The following PPIE variants were observed in gnomAD, a reference collection of about 807,000 sequenced individuals.
PPIE encodes peptidylprolyl isomerase E, also known as peptidyl-prolyl cis-trans isomerase E.
A neutral mutation model predicts 38.4 loss-of-function variants in PPIE; 20 were observed. The ratio of observed to expected loss-of-function variants is 0.52; its 90% confidence interval spans 0.37 to 0.76. The LOEUF is 0.76. PPIE is among the 30% of genes least tolerant of loss of function. The probability of loss-of-function intolerance (pLI) is 0.00; values close to 1 mark genes in which losing one functional copy is unlikely to be tolerated. For missense variants in PPIE, 322 were observed against 385.8 expected (o/e 0.83, Z 1.39); for synonymous variants, 142 against 135.7 (o/e 1.05, Z -0.32).
chr1:39,760,166 GT>G (rs1460392689), downstream of PPIE: 1 of 608,138 alleles, frequency 1.6e-6, no homozygotes, highest in East Asian at 3.1e-5. Context: ...CGGGAGAGGC[GT>G]TTGCATTTGG....
intron 3 of PPIE, chr1:39,741,652 G>A (rs1647060584): frequency 1.6e-6 from 1 of 624,762 alleles, no homozygotes; most frequent in South Asian, 2.0e-5. Context: ...ATGCACCCCT[G>A]TTCATTGAGC....
intron 7 of PPIE, chr1:39,747,354 T>C (rs1412890701): frequency 1.3e-5 from 2 of 152,204 alleles, no homozygotes; most frequent in Admixed American, 1.3e-4. Context: ...TAACTCTGTA[T>C]TTAACTTTTT....
intron 8 of PPIE, among the ~76,000 whole-genome samples, chr1:39,752,468 T>C (rs955960106): frequency 1.3e-5 from 2 of 152,170 alleles, no homozygotes; most frequent in African/African-American, 4.8e-5. Flanking sequence ...CATACATACA[T>C]GTACACATAC....
In PPIE at chr1:39,741,424, T is replaced by C; in HGVS notation, c.174+15T>C. ...AGTTGGCAGAGGTGAGAGTCTGTGT[T>C]ACTAGTGTCTAGTCCTTGGTTTGTG... is the stretch of plus-strand genomic sequence containing the variant. On this transcript the variant is annotated intron_variant, in intron 3 of 9. Coordinates refer to ENST00000324379, the MANE Select transcript of PPIE (RefSeq NM_006112.4). 6.2e-7 allele frequency: 1 copy of C among 1,612,892 alleles called. No homozygotes were observed.
At chr1:39,742,169 G>T in intron 4 of PPIE, 1 of 476,310 alleles carries the variant, frequency 2.1e-6, no homozygotes, top group Non-Finnish European at 3.8e-6. Flanking sequence ...GCTCTCCCAT[G>T]TTTAGGATAA....
chr1:39,756,365 C>G lies in PPIE; in HGVS notation c.*3010C>G, dbSNP rs773747841. 3.9e-4 allele frequency: 386 copies of G among 985,330 alleles called. No individual in the cohort carries two copies. The highest frequency in any genetic ancestry group is 4.6e-4 in the Non-Finnish European group (379 of 829,940). 61.0% of individuals were successfully genotyped at this position (985,330 alleles called of 1,614,324 possible). On this transcript the variant is annotated 3_prime_UTR_variant, in exon 10 of 10. Transcript: ENST00000324379. ...CTTCCTTTTGCTGATTCATTTCCCC[C>G]CTAACTCATTCAGAGTTGAGCCCCA... is the stretch of plus-strand genomic sequence containing the variant.
At chr1:39,753,205 G>C (rs1489495904) in intron 9 of PPIE, 82 bp from the exon 10 acceptor site, 2 of 1,594,396 alleles carry the variant, frequency 1.3e-6, no homozygotes, top group South Asian at 2.2e-5. Context: ...GTGGAAGTGG[G>C]CAAATGGGCA....
At chr1:39,762,423 A>C in intron 9 of PPIE, 1 of 1,437,888 alleles carries the variant, frequency 7.0e-7, no homozygotes, top group Non-Finnish European at 9.2e-7. Flanking sequence ...AAGTTCTAGA[A>C]GGAAGCCTCG....
rs1557457042 is a variant in PPIE at position 39,752,967 on chromosome 1, CAT to C, written c.753_754del (p.Cys252Ter). On this transcript the variant is annotated frameshift_variant, in exon 9 of 10. Coordinates refer to ENST00000324379, the MANE Select transcript of PPIE (RefSeq NM_006112.4). LOFTEE classifies it high-confidence loss of function. Reference sequence around the variant, plus strand: ...ACCAATGGCTCTCAGTTCTTCCTGACATGTGACAAGACAGACTGGCTGGATGG... The same window carrying C: ...ACCAATGGCTCTCAGTTCTTCCTGACGTGACAAGACAGACTGGCTGGATGG... 2 of 1,614,198 alleles carry C rather than the reference CAT, an allele frequency of 1.2e-6. No individual in the cohort carries two copies. The highest frequency in any genetic ancestry group is 1.7e-6 in the Non-Finnish European group (2 of 1,180,036).
downstream of PPIE, chr1:39,760,153 C>T (rs1648737215): frequency 1.8e-6 from 1 of 558,110 alleles, no homozygotes. Context: ...CAGGACATGC[C>T]TCCGGGAGAG....
chr1:39,750,827 C>A (rs971167944), intron 8 of PPIE, among the ~76,000 whole-genome samples: 1 of 152,196 alleles, frequency 6.6e-6, no homozygotes, highest in Non-Finnish European at 1.5e-5. Flanking sequence ...CTCCGTTTTT[C>A]TAACTGGTGG....
chr1:39,754,239 C>G lies in PPIE; in HGVS notation c.*884C>G. 4.2e-6 allele frequency: 1 copy of G among 237,478 alleles called. No individual in the cohort carries two copies. Among genetic ancestry groups the G allele is most frequent in the Non-Finnish European group, 6.8e-6 (1 of 146,000 alleles). 14.7% of individuals were successfully genotyped at this position (237,478 alleles called of 1,614,324 possible). On this transcript the variant is annotated 3_prime_UTR_variant, in exon 10 of 10. Transcript: ENST00000324379. ...AGAGGTGCGTAAGGGGCTATAGACACAATACAGGCTATGGTCCCTGTATTA... is the reference window on the plus strand; with the variant it reads ...AGAGGTGCGTAAGGGGCTATAGACAGAATACAGGCTATGGTCCCTGTATTA...
In PPIE at chr1:39,754,867, G is replaced by A. The variant is rs959244776; in HGVS notation, c.*1512G>A. On this transcript the variant is annotated 3_prime_UTR_variant, in exon 10 of 10. Transcript: ENST00000324379. ...GAGGGAGACCCTGTCTTGAAAAAAA[G>A]AAACCATCATCACAGCAACATCTAG... 8 of 328,616 alleles carry A rather than the reference G, an allele frequency of 2.4e-5. No homozygotes were observed. Among genetic ancestry groups the A allele is most frequent in the Admixed American group, 1.9e-4 (3 of 15,444 alleles). 20.4% of individuals were successfully genotyped at this position (328,616 alleles called of 1,614,324 possible).
In PPIE at chr1:39,753,350, G is replaced by T. The variant is rs549682152; in HGVS notation, c.901G>T (p.Val301Leu). The change falls in exon 10 of 10, where the codon GTG becomes TTG. Residue 301 changes from valine to leucine, a missense_variant. By Grantham distance (32) the Val-to-Leu change is conservative (BLOSUM62 1). Coordinates refer to ENST00000324379, the MANE Select transcript of PPIE (RefSeq NM_006112.4). ...KVIIADCGEYV is the reference protein window; with the variant it reads ...KVIIADCGEYL ...GATCATCGCCGACTGTGGGGAGTACGTGTGAGGCGGCACTCTCTCTGCTTC... is the reference window on the plus strand; with the variant it reads ...GATCATCGCCGACTGTGGGGAGTACTTGTGAGGCGGCACTCTCTCTGCTTC... 58 of 1,613,920 alleles carry T rather than the reference G, an allele frequency of 3.6e-5. No individual in the cohort carries two copies. Among genetic ancestry groups the T allele is most frequent in the Non-Finnish European group, 4.6e-5 (54 of 1,179,930 alleles).
At chr1:39,748,764 C>G in intron 7 of PPIE, 139 bp from the exon 8 acceptor site, 1 of 745,148 alleles carries the variant, frequency 1.3e-6, no homozygotes, top group South Asian at 1.9e-5. Flanking sequence ...ATAGTCCTTA[C>G]AAGGTTAGTA....
chr1:39,756,862 T>C (rs1648328672), downstream of PPIE, among the ~76,000 whole-genome samples: 1 of 152,236 alleles, frequency 6.6e-6, no homozygotes, highest in African/African-American at 2.4e-5. Flanking sequence ...CATTATTTTT[T>C]TGAGAAGTGA....
chr1:39,753,022 C>G lies in PPIE; in HGVS notation c.807C>G (p.Thr269=). The change falls in exon 9 of 10, where the codon ACC becomes ACG. Residue 269 remains threonine, a synonymous_variant. Coordinates refer to ENST00000324379, the MANE Select transcript of PPIE (RefSeq NM_006112.4). Reference sequence around the variant, plus strand: ...AGCATGTGGTGTTTGGAGAGGTCACCGAAGGCCTAGATGTCTTGCGGCAAA... The same window carrying G: ...AGCATGTGGTGTTTGGAGAGGTCACGGAAGGCCTAGATGTCTTGCGGCAAA... ...DGKHVVFGEV[T]EGLDVLRQIE... is the part of the protein sequence containing the mutation. The G allele has an allele frequency of 6.2e-7, 1 of 1,614,144 alleles. No individual in the cohort carries two copies. The highest frequency in any genetic ancestry group is 8.5e-7 in the Non-Finnish European group (1 of 1,180,010).
Position 39,763,119 on chromosome 1 carries a change from G to A in PPIE, c.838-570G>A, listed in dbSNP as rs761692229. 3.7e-6 allele frequency: 6 copies of A among 1,614,068 alleles called. No homozygotes were observed. In the Admixed American group the frequency reaches 8.3e-5, roughly 22 times the overall value. On this transcript the variant is annotated intron_variant, in intron 9 of 9. Transcript: ENST00000356511. Reference sequence around the variant, plus strand: ...GGGACTGCAGGATGGCGTGGTTGGTGGCATTCATGCAGGAGTCCAGTGGGA... The same window carrying A: ...GGGACTGCAGGATGGCGTGGTTGGTAGCATTCATGCAGGAGTCCAGTGGGA...
intron 7 of PPIE, 50 bp from the exon 8 acceptor site, chr1:39,748,853 T>A (rs7520588): frequency 0.36 from 549,892 of 1,545,740 alleles, 99,795 homozygotes; most frequent in South Asian, 0.4. Flanking sequence ...CGAGGTTTTT[T>A]ATTTTGTCCT....
Sources: gnomAD v4.1 joint callset for allele counts (sites outside exome capture counted in the v4.1 genomes callset) on GRCh38, gnomAD v4.1.1 for gene constraint, MANE v1.5 for transcripts, NCBI Gene and HGNC (gene_info 2026-07-23, HGNC 2026-07-21) for gene names.